The following ARHGEF40 variants were observed in gnomAD, a reference collection of about 807,000 sequenced individuals.
ARHGEF40 encodes Rho guanine nucleotide exchange factor (GEF) 40.
ARHGEF40 carries 98 observed loss-of-function variants against 165.9 expected under a neutral mutation model. The ratio of observed to expected loss-of-function variants is 0.59; its 90% CI spans 0.50 to 0.70. ARHGEF40 has a LOEUF of 0.70. Ranked by LOEUF, ARHGEF40 falls within the 30% of genes least tolerant of loss-of-function variation. The pLI is 0.00. For missense variants in ARHGEF40, 1,815 were observed against 1,968.0 expected (o/e 0.92, Z 1.47); for synonymous variants, 792 against 814.3 (o/e 0.97, Z 0.47).
Position 21,085,746 on chromosome 14 carries a change from T to C in ARHGEF40, c.4018T>C (p.Trp1340Arg). 4 of 1,614,212 alleles carry C rather than the reference T, an allele frequency of 2.5e-6. No homozygotes were observed. The highest frequency in any genetic ancestry group is 3.4e-6 in the Non-Finnish European group (4 of 1,180,052). ...IGDSGLCFEL[W>R]FRRRRAREAY... The stretch of plus-strand genomic sequence containing the variant: ...GGACAGCGGACTCTGCTTTGAGTTG[T>C]GGTTTCGGCGGCGGCGTGCACGAGA... The change falls in exon 19 of 24, where the codon TGG (tryptophan) becomes CGG (arginine). Residue 1340 changes from tryptophan (W) to arginine (R), a missense_variant. Physicochemically the swap from Trp to Arg is moderately radical, Grantham distance 101. Coordinates refer to ENST00000298694, the MANE Select transcript of ARHGEF40 (RefSeq NM_018071.5).
chr14:21,084,684 A>C, intron 17 of ARHGEF40, 69 bp from the exon 18 acceptor site: 1 of 1,537,456 alleles, frequency 6.5e-7, no homozygotes, highest in Non-Finnish European at 8.8e-7. Context: ...CTATAAATCT[A>C]TTTTTGCTCC....
At position 21,073,870 on chromosome 14, in the gene ARHGEF40, TGCCCTCTCCTGCTGGTTTCTTCAGCA is replaced by T; in HGVS notation, c.202-60_202-35del. The T allele has an allele frequency of 6.5e-7, 1 of 1,535,536 alleles. No individual in the cohort carries two copies. The highest frequency in any genetic ancestry group is 8.7e-7 in the Non-Finnish European group (1 of 1,143,850). ...CTGCCTAGGGTGGGCCCATTCTAAC[TGCCCTCTCCTGCTGGTTTCTTCAGCA>T]GAGGCCTGAGTGCAGCCTCCCACCT... On this transcript the variant is annotated intron_variant, in intron 2 of 23. Coordinates refer to ENST00000298694, the MANE Select transcript of ARHGEF40 (RefSeq NM_018071.5). The surrounding 1 kb of genome is among the most constrained non-coding windows in gnomAD (Gnocchi z 4.6).
chr14:21,062,262 C>T, the ARHGEF40 span, among the ~76,000 whole-genome samples: 1 of 152,230 alleles, frequency 6.6e-6, no homozygotes, highest in Non-Finnish European at 1.5e-5. Flanking sequence ...CTGTACTGCA[C>T]AGTGGGCTTT....
At chr14:21,079,595 T>C (rs1887706848) in intron 11 of ARHGEF40, among the ~76,000 whole-genome samples, 2 of 152,106 alleles carry the variant, frequency 1.3e-5, no homozygotes, top group African/African-American at 2.4e-5. Flanking sequence ...CACCCTACCA[T>C]GTGGGGTAGA....
At chr14:21,069,410 C>T (rs1220253739), upstream of ARHGEF40, among the ~76,000 whole-genome samples, 4 of 152,228 alleles carry the variant, frequency 2.6e-5, no homozygotes, top group Non-Finnish European at 5.9e-5. Context: ...GGGCTGGCAT[C>T]CAGTACCGAA....
rs1442105545 is a variant in ARHGEF40, at chr14:21,076,876, G to GT, written c.2021dup (p.Glu675ArgfsTer25). On this transcript the variant is annotated frameshift_variant, in exon 8 of 24. Transcript: ENST00000298694. LOFTEE classifies it high-confidence loss of function. ...CAGGGACCCCTCTCCCAGTCACTGG[G>GT]TAGAGATACACCAGGTAAGCTTCCC... 6.2e-7 allele frequency: 1 copy of GT among 1,613,050 alleles called. No homozygotes were observed. The highest frequency in any genetic ancestry group is 8.5e-7 in the Non-Finnish European group (1 of 1,179,842).
chr14:21,073,356 C>G lies in ARHGEF40; in HGVS notation c.201+114C>G, dbSNP rs2139209640. On this transcript the variant is annotated intron_variant, in intron 2 of 23. Transcript: ENST00000298694. The surrounding 1 kb of genome is among the most constrained non-coding windows in gnomAD (Gnocchi z 4.6). ...CCTAGAGATACAGCCTCCCTTGAAA[C>G]CGATCTCTCCAGAATCACTTAAGCT... The G allele has an allele frequency of 8.4e-7, 1 of 1,186,464 alleles. No homozygotes were observed. The highest frequency in any genetic ancestry group is 2.3e-5 in the Admixed American group (1 of 43,858). 73.5% of individuals were successfully genotyped at this position (1,186,464 alleles called of 1,614,324 possible). A position where few individuals can be genotyped will look rare whatever the true frequency, so the allele number is the denominator to read the frequency against.
Position 21,073,457 on chromosome 14 carries a change from C to T in ARHGEF40, c.201+215C>T, listed in dbSNP as rs553630015. ...AGATGCTAACACACACACACACACA[C>T]ACATTCATCTTCCCCAAATTCATCT... On this transcript the variant is annotated intron_variant, in intron 2 of 23. Transcript: ENST00000298694. The surrounding 1 kb of genome is among the most constrained non-coding windows in gnomAD (Gnocchi z 4.6). Among the ~76,000 whole-genome samples, 28 of 150,632 alleles carry T rather than the reference C, an allele frequency of 1.9e-4. No homozygotes were observed. The highest frequency in any genetic ancestry group is 4.0e-4 in the Non-Finnish European group (27 of 67,430).
chr14:21,064,572 G>T, the ARHGEF40 span, among the ~76,000 whole-genome samples: 51 of 152,300 alleles, frequency 3.3e-4, no homozygotes, highest in Non-Finnish European at 6.3e-4. Flanking sequence ...AAAGTCCTGG[G>T]ATTACAGGTG....
At chr14:21,062,924 G>C in the ARHGEF40 span, among the ~76,000 whole-genome samples, 1 of 150,418 alleles carries the variant, frequency 6.6e-6, no homozygotes, top group African/African-American at 2.5e-5. Flanking sequence ...GACCAGCCTG[G>C]GCAGTATAGT....
At chr14:21,085,615 C>G in intron 18 of ARHGEF40, 74 bp from the exon 19 acceptor site, 8 of 1,534,244 alleles carry the variant, frequency 5.2e-6, no homozygotes, top group Non-Finnish European at 7.1e-6. Flanking sequence ...CAGGCGAAGC[C>G]CAGTGCTTGC....
In ARHGEF40 at chr14:21,087,061, A is replaced by G; in HGVS notation, c.4199A>G (p.Lys1400Arg). 6.2e-7 allele frequency: 1 copy of G among 1,608,536 alleles called. No individual in the cohort carries two copies. Among genetic ancestry groups the G allele is most frequent in the Non-Finnish European group, 8.5e-7 (1 of 1,177,342 alleles). The stretch of plus-strand genomic sequence containing the variant: ...GGGAATAAACCCTTCCTGGACATCA[A>G]AGCCCTTGGGGAGCGGACGCTGAGT... ...GIGNKPFLDI[K>R]ALGERTLSAL... Residue 1400 changes from lysine (K) to arginine (R), a missense_variant, in exon 20 of 24, where the codon AAA (lysine) becomes AGA (arginine). Physicochemically the swap from Lys to Arg is conservative, Grantham distance 26. Transcript: ENST00000298694.
At chr14:21,068,944 C>G (rs969492077), upstream of ARHGEF40, among the ~76,000 whole-genome samples, 3 of 152,262 alleles carry the variant, frequency 2.0e-5, no homozygotes, top group African/African-American at 7.2e-5. Flanking sequence ...GCCTCCCCTC[C>G]CGCTGTTCCA....
At chr14:21,071,423 G>T (rs1185808545) in intron 1 of ARHGEF40, among the ~76,000 whole-genome samples, 1 of 152,128 alleles carries the variant, frequency 6.6e-6, no homozygotes, top group Non-Finnish European at 1.5e-5. Flanking sequence ...TGGAGGAGGG[G>T]CAGGGGCACT....
chr14:21,080,562 A>AT (rs1887811726), intron 11 of ARHGEF40, 98 bp from the exon 12 acceptor site: 2 of 1,369,286 alleles, frequency 1.5e-6, no homozygotes, highest in Non-Finnish European at 2.0e-6. Context: ...GTTCACTCAA[A>AT]GTTCTATAGA....
chr14:21,068,641 T>C (rs1886420715), upstream of ARHGEF40, among the ~76,000 whole-genome samples: 1 of 152,280 alleles, frequency 6.6e-6, no homozygotes, highest in Non-Finnish European at 1.5e-5. Context: ...CTCACTCTCC[T>C]AGCTCGCGGG....
rs78723705 is a variant in ARHGEF40 at position 21,072,100 on chromosome 14, T to C, written c.4-945T>C. Reference sequence around the variant, plus strand: ...TTCCAGTAAAAGGGACTTCAAAGACTGTCTTGAAAAAGAAGTTTGCAAAGG... The same window carrying C: ...TTCCAGTAAAAGGGACTTCAAAGACCGTCTTGAAAAAGAAGTTTGCAAAGG... On this transcript the variant is annotated intron_variant, in intron 1 of 23. Coordinates refer to ENST00000298694, the MANE Select transcript of ARHGEF40 (RefSeq NM_018071.5). The surrounding 1 kb of genome is among the most constrained non-coding windows in gnomAD (Gnocchi z 4.1). Among the ~76,000 whole-genome samples, 205 of 152,300 alleles carry C rather than the reference T, an allele frequency of 1.3e-3. 1 individual carries two copies. The highest frequency in any genetic ancestry group is 4.4e-3 in the African/African-American group (182 of 41,572).
the ARHGEF40 span, among the ~76,000 whole-genome samples, chr14:21,065,047 TGTAATCCCAGCTACTTG>T: frequency 6.6e-6 from 1 of 151,982 alleles, no homozygotes; most frequent in African/African-American, 2.4e-5. Flanking sequence ...GGCGGGTGCC[TGTAATCCCAGCTACTTG>T]GGAGGCTGAG....
At chr14:21,077,763 T>A (rs1887544856) in intron 8 of ARHGEF40, among the ~76,000 whole-genome samples, 1 of 152,060 alleles carries the variant, frequency 6.6e-6, no homozygotes, top group Non-Finnish European at 1.5e-5. Flanking sequence ...CTGAGCTGAG[T>A]ATGAAAGAGG....
Sources: allele counts gnomAD v4.1 joint callset (sites outside exome capture counted in the v4.1 genomes callset), GRCh38; gene constraint gnomAD v4.1.1; non-coding constraint Gnocchi (gnomAD v3.1); transcripts MANE v1.5; gene names NCBI Gene and HGNC (gene_info 2026-07-23, HGNC 2026-07-21).